REPS2: variants seen among roughly 807,000 people sequenced by gnomAD.
The protein encoded by REPS2 is RALBP1 associated Eps domain containing 2, also known as ralBP1-associated Eps domain-containing protein 2.
Under a neutral mutation model 53.6 loss-of-function variants are expected in REPS2, and 23 were observed. That is an observed-to-expected ratio of 0.43 (90% CI 0.31 to 0.61). REPS2 has a LOEUF of 0.61. Ranked by LOEUF, REPS2 falls within the 20% of genes least tolerant of loss-of-function variation. REPS2 has a pLI of 0.11. For synonymous variants in REPS2, 238 were observed against 218.6 expected (o/e 1.09, Z -0.78); for missense variants, 446 against 534.9 (o/e 0.83, Z 1.64).
At chrX:17,072,783 A>T (rs1012793824) in intron 11 of REPS2, among the ~76,000 whole-genome samples, 2 of 111,788 alleles carry the variant, frequency 1.8e-5, no homozygotes, top group African/African-American at 6.5e-5. Flanking sequence ...CTGAGCTGGG[A>T]GAGAGGCTTC....
chrX:17,030,873 T>C (rs2061700591), intron 5 of REPS2, among the ~76,000 whole-genome samples: 1 of 111,725 alleles, frequency 9.0e-6, no homozygotes, highest in Non-Finnish European at 1.9e-5. Flanking sequence ...TACATTAGAG[T>C]CCCATATTAC....
At chrX:16,977,516 C>T (rs756429487) in intron 1 of REPS2, among the ~76,000 whole-genome samples, 2 of 109,629 alleles carry the variant, frequency 1.8e-5, no homozygotes, top group Non-Finnish European at 3.8e-5. Flanking sequence ...GGAGTTCAAC[C>T]AGCCTGGGCG....
At chrX:17,016,923 A>G (rs778948962) in intron 2 of REPS2, among the ~76,000 whole-genome samples, 14 of 110,914 alleles carry the variant, frequency 1.3e-4, no homozygotes, top group South Asian at 3.8e-4. Flanking sequence ...TTTATTTACA[A>G]TGGGCCCACA....
At chrX:17,114,923 C>T (rs2063025716) in intron 14 of REPS2, among the ~76,000 whole-genome samples, 2 of 112,068 alleles carry the variant, frequency 1.8e-5, no homozygotes, top group Non-Finnish European at 3.8e-5. Flanking sequence ...GCCACTGCTC[C>T]GGATTGTACT....
At chrX:17,016,198 C>T (rs970002487) in intron 2 of REPS2, among the ~76,000 whole-genome samples, 6 of 111,244 alleles carry the variant, frequency 5.4e-5, no homozygotes, top group East Asian at 2.8e-4. Context: ...TTTTTGACTG[C>T]GTAAATGTCT....
intron 13 of REPS2, among the ~76,000 whole-genome samples, chrX:17,096,862 G>A (rs1015525232): frequency 3.6e-5 from 4 of 111,079 alleles, no homozygotes; most frequent in East Asian, 2.8e-4. Flanking sequence ...ACAGTAGATC[G>A]TAGAAAATTG....
chrX:17,028,688 GCTGCT>G (rs1381764701), intron 4 of REPS2, among the ~76,000 whole-genome samples: 8 of 112,381 alleles, frequency 7.1e-5, no homozygotes, highest in African/African-American at 2.6e-4. Flanking sequence ...GTCATAACAG[GCTGCT>G]CTGCTCTCTA....
chrX:17,064,999 A>G (rs1227140272), intron 9 of REPS2, among the ~76,000 whole-genome samples: 2 of 112,537 alleles, frequency 1.8e-5, no homozygotes, highest in African/African-American at 6.5e-5. Flanking sequence ...CATTGTATGG[A>G]TATGCTACAT....
At chrX:17,174,546 C>T in the REPS2 span, among the ~76,000 whole-genome samples, 5 of 112,202 alleles carry the variant, frequency 4.5e-5, no homozygotes, top group Non-Finnish European at 9.4e-5. Context: ...ATTATTTCTG[C>T]ATACAGCTGA....
At chrX:17,009,977 A>G (rs1019517170) in intron 2 of REPS2, among the ~76,000 whole-genome samples, 6 of 111,002 alleles carry the variant, frequency 5.4e-5, no homozygotes, top group African/African-American at 2.0e-4. Context: ...GCTGCAGGCC[A>G]TATGTCCATT....
chrX:16,978,558 T>C lies in REPS2; in HGVS notation c.274-27663T>C, dbSNP rs899186947. 4.3e-5 allele frequency: 32 copies of C among 748,969 alleles called. No homozygotes were observed. The African/African-American group carries it at 7.1e-4, about 17-fold the overall frequency. The allele number at this position is 748,969 out of a possible 1,213,427, so 61.7% of individuals were successfully genotyped here. ...CTGACTTCCAAAGGATGCTCTGAGC[T>C]CTAAAAGGAGGAGCAGTTTTGCTGG... On this transcript the variant is annotated intron_variant, in intron 1 of 17. Transcript: ENST00000357277.
rs1472988209 is a variant in REPS2 at position 16,956,696 on chromosome X, C to T, written c.273+9562C>T. On this transcript the variant is annotated intron_variant, in intron 1 of 17. Coordinates refer to ENST00000357277, the MANE Select transcript of REPS2 (RefSeq NM_004726.3). ...TCACCAGGGACAGTTCCTGCAGTCCCGGCTCTGAGCTCTGCTCCTGACCGT... is the reference window on the plus strand; with the variant it reads ...TCACCAGGGACAGTTCCTGCAGTCCTGGCTCTGAGCTCTGCTCCTGACCGT... Among the ~76,000 whole-genome samples, 6 of 111,483 alleles carry T rather than the reference C, an allele frequency of 5.4e-5. No individual in the cohort carries two copies. In the East Asian group the frequency reaches 8.4e-4, roughly 16 times the overall value.
At chrX:16,950,515 T>C (rs2060493855) in intron 1 of REPS2, among the ~76,000 whole-genome samples, 1 of 112,443 alleles carries the variant, frequency 8.9e-6, no homozygotes, top group South Asian at 3.6e-4. Context: ...CAGCAATGCA[T>C]TGGTTTCTTT....
intron 13 of REPS2, among the ~76,000 whole-genome samples, chrX:17,091,840 T>C (rs1400127976): frequency 8.9e-6 from 1 of 112,048 alleles, no homozygotes; most frequent in Non-Finnish European, 1.9e-5. Flanking sequence ...ACAATTTCTG[T>C]TACAAAGAAA....
chrX:17,124,676 G>T (rs1339736413), intron 14 of REPS2, among the ~76,000 whole-genome samples: 2 of 110,841 alleles, frequency 1.8e-5, no homozygotes, highest in Non-Finnish European at 3.8e-5. Flanking sequence ...GCAGCAGCAG[G>T]ATTGTCTTCT....
chrX:17,124,879 C>T (rs1389980483), intron 14 of REPS2, among the ~76,000 whole-genome samples: 6 of 90,591 alleles, frequency 6.6e-5, no homozygotes, highest in African/African-American at 2.6e-4. Flanking sequence ...TTTTTTGAGA[C>T]AGAGTCTTGC....
the REPS2 span, among the ~76,000 whole-genome samples, chrX:17,165,275 G>A: frequency 2.7e-5 from 3 of 112,034 alleles, no homozygotes. Context: ...GCATATTTAA[G>A]TGGATGATGA....
intron 1 of REPS2, among the ~76,000 whole-genome samples, chrX:16,953,643 C>T (rs1042261012): frequency 2.7e-5 from 3 of 112,308 alleles, no homozygotes; most frequent in Non-Finnish European, 5.6e-5. Context: ...CTTTTCCTCT[C>T]ATTGTTTTGT....
rs763301279 is a variant in REPS2, at chrX:17,044,086, C to T, written c.772-3261C>T. ...GCTTTTAAGCAGAGGAGTTAATCAC[C>T]CCCTTCTGTTCATTCCTGATTTCTG... On this transcript the variant is annotated intron_variant, in intron 5 of 17. Transcript: ENST00000357277. 4.5e-5 allele frequency among the ~76,000 whole-genome samples: 5 copies of T among 111,928 alleles called. No individual in the cohort carries two copies. In the South Asian group the frequency reaches 1.9e-3, roughly 42 times the overall value.
Sources: allele counts gnomAD v4.1 joint callset (sites outside exome capture counted in the v4.1 genomes callset), GRCh38; gene constraint gnomAD v4.1.1; transcripts MANE v1.5; gene names NCBI Gene and HGNC (gene_info 2026-07-23, HGNC 2026-07-21).